Variants in ITPR2 observed in about 807,000 individuals in gnomAD.
The protein encoded by ITPR2 is inositol 1,4,5-trisphosphate-gated calcium channel ITPR2.
ITPR2 carries 207 observed loss-of-function variants against 317.1 expected under a neutral mutation model. The observed-to-expected ratio is 0.65, with a 90% CI of 0.58 to 0.73. The LOEUF (loss-of-function observed/expected upper bound fraction) is 0.73. Ranked by LOEUF, ITPR2 falls within the 30% of genes least tolerant of loss-of-function variation. The pLI is 0.00. For synonymous variants in ITPR2, 1,156 were observed against 1,149.1 expected, an observed-to-expected ratio of 1.01 and a Z score of -0.12; for missense variants, 2,613 against 3,284.0, an observed-to-expected ratio of 0.80 and a Z score of 4.99.
chr12:26,481,191 C>A lies in ITPR2; in HGVS notation c.6063G>T (p.Leu2021Phe). The A allele has an allele frequency of 6.2e-7, 1 of 1,613,666 alleles. No individual in the cohort carries two copies. Among genetic ancestry groups the A allele is most frequent in the South Asian group, 1.1e-5 (1 of 91,036 alleles). Residue 2021 changes from leucine to phenylalanine, a missense_variant, in exon 43 of 57, where the codon TTG becomes TTT. Leu to Phe is a conservative substitution (Grantham distance 22). Transcript: ENST00000381340. ...CAAGAGGGTTTATGTCATTCAGAAT[C>A]AAAGCAATGATGATATCAATCCCAT... ...ESNGIDIIIALILNDINPLGK... is the reference protein window; with the variant it reads ...ESNGIDIIIAFILNDINPLGK...
intron 1 of ITPR2, among the ~76,000 whole-genome samples, chr12:26,794,870 C>A (rs1005761579): frequency 2.6e-5 from 4 of 152,192 alleles, no homozygotes; most frequent in African/African-American, 9.7e-5. Context: ...TGGCTCCCTC[C>A]TTCTGTTCTA....
At chr12:26,530,829 T>A (rs1943925739) in intron 37 of ITPR2, among the ~76,000 whole-genome samples, 1 of 152,196 alleles carries the variant, frequency 6.6e-6, no homozygotes, top group Non-Finnish European at 1.5e-5. Context: ...TCATTTTGAG[T>A]TGTCTTAATG....
At chr12:26,457,974 C>G (rs1162690625) in intron 45 of ITPR2, among the ~76,000 whole-genome samples, 1 of 152,122 alleles carries the variant, frequency 6.6e-6, no homozygotes, top group Admixed American at 6.5e-5. Flanking sequence ...ATAAGAGTAA[C>G]CAGGAGCATG....
intron 49 of ITPR2, among the ~76,000 whole-genome samples, chr12:26,422,377 A>G (rs1592009072): frequency 6.6e-6 from 1 of 151,964 alleles, no homozygotes; most frequent in South Asian, 2.1e-4. Context: ...TTAAGAAAGT[A>G]GTGTTTTCAT....
intron 1 of ITPR2, among the ~76,000 whole-genome samples, chr12:26,806,556 T>C (rs1018937699): frequency 2.6e-5 from 4 of 152,210 alleles, no homozygotes; most frequent in African/African-American, 9.7e-5. Flanking sequence ...CTTCACTACG[T>C]CTTAAGGGGA....
intron 55 of ITPR2, among the ~76,000 whole-genome samples, chr12:26,342,721 C>T (rs1018493789): frequency 1.3e-5 from 2 of 152,030 alleles, no homozygotes; most frequent in African/African-American, 2.4e-5. Flanking sequence ...GTGATTCTCC[C>T]GCCTCAGCCT....
intron 37 of ITPR2, among the ~76,000 whole-genome samples, chr12:26,531,654 TACACACACACACACAC>T (rs144906868): frequency 1.4e-5 from 2 of 138,676 alleles, no homozygotes; most frequent in African/African-American, 5.4e-5. Context: ...TTACTGTATT[TACACACACACACACAC>T]ACACACACAC....
intron 3 of ITPR2, among the ~76,000 whole-genome samples, 199 bp from the exon 4 acceptor site, chr12:26,724,941 G>A (rs189159063): frequency 1.6e-4 from 24 of 152,016 alleles, no homozygotes; most frequent in Admixed American, 1.0e-3. Context: ...AGATTTTCAC[G>A]TCATATTCAT....
At chr12:26,673,675 G>C (rs1346698800) in intron 13 of ITPR2, among the ~76,000 whole-genome samples, 4 of 151,342 alleles carry the variant, frequency 2.6e-5, no homozygotes, top group East Asian at 3.9e-4. Flanking sequence ...ATTCAACATA[G>C]TGTTGGAAGT....
chr12:26,782,580 A>C (rs1950117140), intron 2 of ITPR2, among the ~76,000 whole-genome samples: 1 of 152,226 alleles, frequency 6.6e-6, no homozygotes, highest in Non-Finnish European at 1.5e-5. Context: ...TTAAAAACAA[A>C]CAGCTCTAGA....
chr12:26,603,777 AAGT>A (rs1472245973), intron 26 of ITPR2, among the ~76,000 whole-genome samples: 4 of 152,180 alleles, frequency 2.6e-5, no homozygotes, highest in African/African-American at 9.7e-5. Flanking sequence ...GGTGAAGAAG[AAGT>A]CACCTTAGCC....
At chr12:26,451,343 C>T (rs1217893184) in intron 45 of ITPR2, among the ~76,000 whole-genome samples, 1 of 147,300 alleles carries the variant, frequency 6.8e-6, no homozygotes, top group Admixed American at 6.9e-5. Flanking sequence ...ATCATGAGAT[C>T]TCAAGACAGC....
chr12:26,694,279 C>T (rs1439192370), intron 10 of ITPR2, among the ~76,000 whole-genome samples: 9 of 152,142 alleles, frequency 5.9e-5, no homozygotes, highest in African/African-American at 2.2e-4. Context: ...GTCCAAGCCA[C>T]AAAAATGACT....
At chr12:26,605,126 A>ATATATATATATATATAT (rs373595249) in intron 26 of ITPR2, among the ~76,000 whole-genome samples, 3 of 136,306 alleles carry the variant, frequency 2.2e-5, no homozygotes, top group Non-Finnish European at 3.2e-5. Flanking sequence ...AAAAAATAAA[A>ATATATATATATATATAT]ATATATATAT....
rs749411944 is a variant in ITPR2, at chr12:26,722,449, C to T, written c.473G>A (p.Gly158Glu). Residue 158 changes from glycine to glutamate, a missense_variant, in exon 5 of 57, where the codon GGG (glycine) becomes GAG (glutamate). Physicochemically the swap from Gly to Glu is moderately conservative, Grantham distance 98 (BLOSUM62 -2). Around this residue, in one of 9 missense-constraint regions of ITPR2, gnomAD observed 515 missense variants for 789.4 expected, o/e 0.65. Transcript: ENST00000381340. Reference sequence around the variant, plus strand: ...GAACGGATGAATATAAAACCAAGACCCTTCATTTCCTGCAGCATCCAAGGA... The same window carrying T: ...GAACGGATGAATATAAAACCAAGACTCTTCATTTCCTGCAGCATCCAAGGA... ...RVSLDAAGNEGSWFYIHPFWK... is the reference protein window; with the variant it reads ...RVSLDAAGNEESWFYIHPFWK... 6.2e-7 allele frequency: 1 copy of T among 1,613,180 alleles called. No individual in the cohort carries two copies. Among genetic ancestry groups the T allele is most frequent in the South Asian group, 1.1e-5 (1 of 90,986 alleles).
intron 2 of ITPR2, among the ~76,000 whole-genome samples, chr12:26,733,313 C>CAAAAAAAAAA (rs1200350846): frequency 2.0e-5 from 1 of 49,476 alleles, no homozygotes. Context: ...GACTCCATCT[C>CAAAAAAAAAA]AAAAAAAAAA....
intron 31 of ITPR2, among the ~76,000 whole-genome samples, chr12:26,596,258 A>G (rs1945841786): frequency 6.6e-6 from 1 of 152,234 alleles, no homozygotes; most frequent in Non-Finnish European, 1.5e-5. Flanking sequence ...CTAAAGTTTC[A>G]AGTAAACCTT....
intron 13 of ITPR2, among the ~76,000 whole-genome samples, chr12:26,669,832 G>A (rs1947711441): frequency 6.6e-6 from 1 of 152,198 alleles, no homozygotes; most frequent in Non-Finnish European, 1.5e-5. Context: ...GGAAAATCGG[G>A]TCACTCCCAC....
intron 41 of ITPR2, among the ~76,000 whole-genome samples, chr12:26,485,194 G>A (rs1295090898): frequency 6.6e-6 from 1 of 152,118 alleles, no homozygotes; most frequent in African/African-American, 2.4e-5. Context: ...AAAAGGGTAA[G>A]CAGGGAAGGA....
Sources: gnomAD v4.1 joint callset for allele counts (sites outside exome capture counted in the v4.1 genomes callset) on GRCh38, gnomAD v4.1.1 for gene constraint, gnomAD v4.1.1 regional missense constraint, MANE v1.5 for transcripts, NCBI Gene and HGNC (gene_info 2026-07-23, HGNC 2026-07-21) for gene names.